The following DSG2 variants were observed in gnomAD, a reference collection of about 807,000 sequenced individuals.
The protein encoded by DSG2 is desmoglein-2.
A neutral mutation model predicts 75.6 loss-of-function variants in DSG2; 45 were observed. That is an observed-to-expected ratio of 0.60 (90% confidence interval 0.47 to 0.76). The LOEUF is 0.76. Among genes scored for constraint, DSG2 ranks in the 30% least tolerant of loss-of-function variants. DSG2 has a pLI of 0.00. For missense variants in DSG2, 1,267 were observed against 1,357.4 expected (o/e 0.93, Z 1.05); for synonymous variants, 429 against 483.9 (o/e 0.89, Z 1.49).
In DSG2 at chr18:31,543,860, T is replaced by C. The variant is rs548311565; in HGVS notation, c.2334+1008T>C. On this transcript the variant is annotated intron_variant, in intron 14 of 14. Coordinates refer to ENST00000261590, the MANE Select transcript of DSG2 (RefSeq NM_001943.5). ...CAGCCTGGGCAACAGAGTGAAACTCTGTCTAAAAAAAAAAAAAAAAAAAAG... is the reference window on the plus strand; with the variant it reads ...CAGCCTGGGCAACAGAGTGAAACTCCGTCTAAAAAAAAAAAAAAAAAAAAG... 9.0e-5 allele frequency among the ~76,000 whole-genome samples: 12 copies of C among 133,516 alleles called. No homozygotes were observed. The East Asian group carries it at 2.6e-3, about 28-fold the overall frequency. 87.6% of individuals were successfully genotyped at this position (133,516 alleles called of 152,430 possible).
intron 13 of DSG2, among the ~76,000 whole-genome samples, chr18:31,541,547 G>A (rs2073268166): frequency 6.6e-6 from 1 of 152,184 alleles, no homozygotes; most frequent in African/African-American, 2.4e-5. Context: ...AGAATGTAGA[G>A]CAAGGTTCAG....
At chr18:31,545,471 C>A (rs1414801819) in intron 14 of DSG2, among the ~76,000 whole-genome samples, 2 of 152,148 alleles carry the variant, frequency 1.3e-5, no homozygotes, top group Non-Finnish European at 2.9e-5. Flanking sequence ...GTTGTCCTGA[C>A]ACTTTAGTCT....
chr18:31,515,229 A>T (rs965637311), intron 1 of DSG2, among the ~76,000 whole-genome samples: 2 of 152,082 alleles, frequency 1.3e-5, no homozygotes, highest in Non-Finnish European at 2.9e-5. Flanking sequence ...CAGCCTCTCG[A>T]GTAGCTGGGA....
chr18:31,506,890 C>A (rs1039397668), intron 1 of DSG2, among the ~76,000 whole-genome samples: 1 of 151,900 alleles, frequency 6.6e-6, no homozygotes, highest in Non-Finnish European at 1.5e-5. Context: ...CCAACGACTT[C>A]AAGGAAAAGA....
chr18:31,535,447 T>C (rs770977256), intron 10 of DSG2, 35 bp downstream of exon 10: 43 of 1,517,216 alleles, frequency 2.8e-5, no homozygotes, highest in Middle Eastern at 4.2e-4. Context: ...CTTGATTATA[T>C]GTATTTAGAT....
intron 1 of DSG2, among the ~76,000 whole-genome samples, chr18:31,517,042 G>A (rs1454757818): frequency 6.6e-6 from 1 of 152,232 alleles, no homozygotes; most frequent in Non-Finnish European, 1.5e-5. Flanking sequence ...TGCTGGTTCA[G>A]ATTGAGCCAA....
At chr18:31,534,627 C>T (rs1401773168) in intron 9 of DSG2, among the ~76,000 whole-genome samples, 2 of 150,722 alleles carry the variant, frequency 1.3e-5, no homozygotes, top group African/African-American at 4.9e-5. Flanking sequence ...TCTCCTGCCA[C>T]AGCCTCCTGA....
intron 1 of DSG2, among the ~76,000 whole-genome samples, chr18:31,513,729 A>T (rs182266328): frequency 2.0e-4 from 31 of 152,148 alleles, no homozygotes; most frequent in African/African-American, 7.0e-4. Context: ...AGACTTAATG[A>T]CTCACTCCCA....
At chr18:31,505,486 T>C (rs905035653) in intron 1 of DSG2, among the ~76,000 whole-genome samples, 3 of 152,164 alleles carry the variant, frequency 2.0e-5, no homozygotes, top group African/African-American at 4.8e-5. Context: ...AGCAAGATCT[T>C]TGTATCTTTT....
chr18:31,501,207 G>T (rs1371835794), intron 1 of DSG2, among the ~76,000 whole-genome samples: 3 of 152,080 alleles, frequency 2.0e-5, no homozygotes, highest in Non-Finnish European at 2.9e-5. Context: ...TTATACATTT[G>T]AAATCATTAA....
rs766843045 is a variant in DSG2 at position 31,538,919 on chromosome 18, A to T, written c.1820A>T (p.Tyr607Phe). The T allele has an allele frequency of 1.9e-6, 3 of 1,613,982 alleles. No homozygotes were observed. The highest frequency in any genetic ancestry group is 8.5e-7 in the Non-Finnish European group (1 of 1,180,026). The change falls in exon 12 of 15, where the codon TAT (tyrosine) becomes TTT (phenylalanine). Residue 607 changes from tyrosine (Y) to phenylalanine (F), a missense_variant. Coordinates refer to ENST00000261590, the MANE Select transcript of DSG2 (RefSeq NM_001943.5). ...TGCAGGGAAGCACAGCATGACTCCT[A>T]TGTGGGCCTGGGACCCGCAGCAATT... ...SGCREAQHDSYVGLGPAAIAL... is the reference protein window; with the variant it reads ...SGCREAQHDSFVGLGPAAIAL...
chr18:31,546,930 T>C lies in DSG2; in HGVS notation c.*187T>C. 1.4e-6 allele frequency: 1 copy of C among 697,790 alleles called. No individual in the cohort carries two copies. Among genetic ancestry groups the C allele is most frequent in the Non-Finnish European group, 2.5e-6 (1 of 396,176 alleles). The allele number at this position is 697,790 out of a possible 1,614,324, so 43.2% of individuals were successfully genotyped here. ...TCTGCTTCCAGGAGTATTTTAGAAA[T>C]GTTCCACAATTTACTGAAGACATAG... On this transcript the variant is annotated 3_prime_UTR_variant, in exon 15 of 15. Coordinates refer to ENST00000261590, the MANE Select transcript of DSG2 (RefSeq NM_001943.5).
At chr18:31,516,311 G>A (rs761481267) in intron 1 of DSG2, among the ~76,000 whole-genome samples, 7 of 152,166 alleles carry the variant, frequency 4.6e-5, no homozygotes, top group Non-Finnish European at 7.3e-5. Flanking sequence ...GCACACAAAC[G>A]ATGGTTTGCC....
In DSG2 at chr18:31,545,902, T is replaced by G; in HGVS notation, c.2516T>G (p.Val839Gly). Residue 839 changes from valine (V) to glycine (G), a missense_variant, in exon 15 of 15, where the codon GTT becomes GGT. Coordinates refer to ENST00000261590, the MANE Select transcript of DSG2 (RefSeq NM_001943.5). ...LGLKFKTLAEVCLGQKIDINK... is the reference protein window; with the variant it reads ...LGLKFKTLAEGCLGQKIDINK... ...CTTAAATTCAAGACACTAGCTGAAGTTTGCCTGGGTCAAAAAATAGATATA... is the reference window on the plus strand; with the variant it reads ...CTTAAATTCAAGACACTAGCTGAAGGTTGCCTGGGTCAAAAAATAGATATA... 1 of 1,614,068 alleles carries G rather than the reference T, an allele frequency of 6.2e-7. No homozygotes were observed. The highest frequency in any genetic ancestry group is 8.5e-7 in the Non-Finnish European group (1 of 1,180,012).
chr18:31,546,502 C>T lies in DSG2; in HGVS notation c.3116C>T (p.Ala1039Val), dbSNP rs199767017. 2 of 1,614,210 alleles carry T rather than the reference C, an allele frequency of 1.2e-6. No homozygotes were observed. Among genetic ancestry groups the T allele is most frequent in the Non-Finnish European group, 1.7e-6 (2 of 1,180,026 alleles). Residue 1039 changes from alanine to valine, a missense_variant, in exon 15 of 15, where the codon GCA becomes GTA. Ala to Val is a moderately conservative substitution (Grantham distance 64). Coordinates refer to ENST00000261590, the MANE Select transcript of DSG2 (RefSeq NM_001943.5). ...VQPTLAMPNI[A>V]VGQNVTVTER... ...CCTACTCTGGCCATGCCTAATATAG[C>T]AGTAGGACAGAATGTGACAGTGACA...
At chr18:31,525,456 C>A (rs2073157708) in intron 8 of DSG2, among the ~76,000 whole-genome samples, 1 of 151,746 alleles carries the variant, frequency 6.6e-6, no homozygotes, top group African/African-American at 2.4e-5. Flanking sequence ...GAGGCGGAGG[C>A]TGCAGTGAGC....
chr18:31,527,721 A>G (rs1028918972), intron 8 of DSG2, among the ~76,000 whole-genome samples: 1 of 152,254 alleles, frequency 6.6e-6, no homozygotes, highest in Admixed American at 6.5e-5. Flanking sequence ...AGAAATGAAT[A>G]TCTTAGTCCG....
intron 9 of DSG2, 70 bp from the exon 10 acceptor site, chr18:31,535,198 AAG>A: frequency 2.0e-6 from 2 of 1,002,808 alleles, no homozygotes; most frequent in Non-Finnish European, 3.1e-6. Context: ...GTAAGCTTGA[AAG>A]AGCTGTAGAT....
intron 8 of DSG2, 119 bp from the exon 9 acceptor site, chr18:31,530,868 C>A: frequency 1.0e-6 from 1 of 984,254 alleles, no homozygotes; most frequent in Non-Finnish European, 1.5e-6. Context: ...TTCAGTGCTG[C>A]TATATTTCCT....
Sources: allele counts gnomAD v4.1 joint callset (sites outside exome capture counted in the v4.1 genomes callset), GRCh38; gene constraint gnomAD v4.1.1; transcripts MANE v1.5; gene names NCBI Gene and HGNC (gene_info 2026-07-23, HGNC 2026-07-21).